PDZD2: variants seen among roughly 807,000 people sequenced by gnomAD.
PDZD2 encodes PDZ domain containing 2, also known as PDZ domain-containing protein 2.
In PDZD2, 90 loss-of-function variants were observed where a neutral mutation model predicts 220.7. The ratio of observed to expected loss-of-function variants is 0.41; its 90% CI spans 0.34 to 0.49. The LOEUF (loss-of-function observed/expected upper bound fraction) is 0.49, where lower values mean the gene tolerates loss of function less well. PDZD2 is among the 20% of genes least tolerant of loss of function. PDZD2 has a pLI of 0.28. For missense variants in PDZD2, 3,174 were observed against 3,608.5 expected, an observed-to-expected ratio of 0.88 and a Z score of 3.08; for synonymous variants, 1,375 against 1,450.5, an observed-to-expected ratio of 0.95 and a Z score of 1.18.
intron 2 of PDZD2, among the ~76,000 whole-genome samples, chr5:31,960,041 G>T (rs1748069471): frequency 6.6e-6 from 1 of 152,114 alleles, no homozygotes; most frequent in Admixed American, 6.6e-5. Context: ...AATCCAGGAT[G>T]ATCTCCTCTT....
intron 1 of PDZD2, among the ~76,000 whole-genome samples, chr5:31,778,410 A>G (rs969870486): frequency 2.6e-5 from 4 of 152,146 alleles, no homozygotes; most frequent in African/African-American, 9.7e-5. Flanking sequence ...CACTGCCTTT[A>G]TGAGCTGTAA....
rs760035636 is a variant in PDZD2, at chr5:31,983,498, A to C, written c.820A>C (p.Lys274Gln). The C allele has an allele frequency of 5.6e-6, 9 of 1,614,114 alleles. No individual in the cohort carries two copies. Among genetic ancestry groups the C allele is most frequent in the Non-Finnish European group, 7.6e-6 (9 of 1,179,954 alleles). Reference sequence around the variant, plus strand: ...GCTAGAAAATGGCCCAGATTCTCTCAAGGAGGTGGCTGGACCCCATCTAGA... The same window carrying C: ...GCTAGAAAATGGCCCAGATTCTCTCCAGGAGGTGGCTGGACCCCATCTAGA... ...FQLENGPDSL[K>Q]EVAGPHLERS... Residue 274 changes from lysine (K) to glutamine (Q), a missense_variant, in exon 3 of 25, where the codon AAG (lysine) becomes CAG (glutamine). Coordinates refer to ENST00000438447, the MANE Select transcript of PDZD2 (RefSeq NM_178140.4).
intron 1 of PDZD2, among the ~76,000 whole-genome samples, chr5:31,696,767 T>G (rs1747397068): frequency 6.6e-6 from 1 of 152,230 alleles, no homozygotes; most frequent in African/African-American, 2.4e-5. Context: ...CTTTCTCCTC[T>G]TTACAATTTC....
intron 2 of PDZD2, among the ~76,000 whole-genome samples, chr5:31,932,871 T>C (rs994915126): frequency 1.3e-5 from 2 of 151,844 alleles, no homozygotes; most frequent in Admixed American, 6.6e-5. Context: ...GGTTTGTCCT[T>C]TTATAACTGG....
chr5:31,840,621 T>G (rs1757246832), intron 2 of PDZD2: 2 of 717,314 alleles, frequency 2.8e-6, no homozygotes, highest in Non-Finnish European at 5.2e-6. Context: ...TCTGATAGGC[T>G]TCTTTCTTTT....
At chr5:31,956,242 T>G (rs989664668) in intron 2 of PDZD2, among the ~76,000 whole-genome samples, 5 of 152,194 alleles carry the variant, frequency 3.3e-5, no homozygotes, top group African/African-American at 4.8e-5. Flanking sequence ...TACTGCTGCT[T>G]ATTTCTTTCT....
intron 2 of PDZD2, among the ~76,000 whole-genome samples, chr5:31,830,731 C>T (rs1373800127): frequency 6.6e-6 from 1 of 152,152 alleles, no homozygotes; most frequent in African/African-American, 2.4e-5. Context: ...GAGATGTCTT[C>T]AGGATAAAGT....
intron 23 of PDZD2, chr5:32,100,369 TG>T (rs1744144905): frequency 5.4e-6 from 1 of 183,730 alleles, no homozygotes; most frequent in Non-Finnish European, 1.2e-5. Flanking sequence ...CGTCCTTGGC[TG>T]GTAGGCAGGC....
Position 32,108,741 on chromosome 5 carries a change from A to T in PDZD2, c.*606A>T, listed in dbSNP as rs1745056092. ...TTGTCCAAAAAGGAAAAAGCAAAAT[A>T]ATTAATTGAGAGTATTTTTTAGTGA... On this transcript the variant is annotated 3_prime_UTR_variant, in exon 25 of 25. Coordinates refer to ENST00000438447, the MANE Select transcript of PDZD2 (RefSeq NM_178140.4). 1 of 152,604 alleles carries T rather than the reference A, an allele frequency of 6.6e-6. No individual in the cohort carries two copies. Among genetic ancestry groups the T allele is most frequent in the South Asian group, 2.1e-4 (1 of 4,838 alleles). The allele number at this position is 152,604 out of a possible 1,614,324, so 9.5% of individuals were successfully genotyped here.
In PDZD2 at chr5:31,799,500, C is replaced by T. The variant is rs1208480201; in HGVS notation, c.252C>T (p.Gly84=). ...TKELGDTETV[G]LSFGNIPVFG... ...AGCTGGGGGACACAGAGACTGTGGG[C>T]CTGAGTTTTGGGAACATCCCTGTTT... The change falls in exon 2 of 25, where the codon GGC becomes GGT. Residue 84 remains glycine, a synonymous_variant. Transcript: ENST00000438447. The T allele has an allele frequency of 2.5e-6, 4 of 1,614,020 alleles. No individual in the cohort carries two copies. Among genetic ancestry groups the T allele is most frequent in the African/African-American group, 2.7e-5 (2 of 74,902 alleles).
At chr5:32,065,469 C>T (rs942207585) in intron 14 of PDZD2, among the ~76,000 whole-genome samples, 3 of 152,038 alleles carry the variant, frequency 2.0e-5, no homozygotes, top group South Asian at 4.1e-4. Context: ...CTTGTGGGTC[C>T]CTCTATGTGC....
intron 2 of PDZD2, among the ~76,000 whole-genome samples, chr5:31,829,024 A>C (rs748399957): frequency 2.0e-5 from 3 of 152,218 alleles, no homozygotes; most frequent in Non-Finnish European, 4.4e-5. Flanking sequence ...AGAAACCTTG[A>C]AAATGGAGCC....
At chr5:31,808,551 A>G (rs1417007614) in intron 2 of PDZD2, among the ~76,000 whole-genome samples, 1 of 151,822 alleles carries the variant, frequency 6.6e-6, no homozygotes, top group Non-Finnish European at 1.5e-5. Flanking sequence ...CTGTTTTCTC[A>G]CTCTACCAAG....
At chr5:31,960,700 C>T (rs948099877) in intron 2 of PDZD2, among the ~76,000 whole-genome samples, 3 of 152,068 alleles carry the variant, frequency 2.0e-5, no homozygotes, top group African/African-American at 7.2e-5. Flanking sequence ...ACCCCCAAAG[C>T]AAGCCAGTCC....
intron 17 of PDZD2, among the ~76,000 whole-genome samples, chr5:32,072,778 T>C (rs182058909): frequency 6.6e-6 from 1 of 152,318 alleles, no homozygotes; most frequent in East Asian, 1.9e-4. Context: ...GTAAATGGGC[T>C]GGATACACAT....
At chr5:31,805,579 A>G (rs548578846) in intron 2 of PDZD2, among the ~76,000 whole-genome samples, 1 of 152,286 alleles carries the variant, frequency 6.6e-6, no homozygotes, top group African/African-American at 2.4e-5. Context: ...AATGGTCCAC[A>G]CTAGCATATA....
intron 2 of PDZD2, among the ~76,000 whole-genome samples, chr5:31,906,962 C>CT (rs1742716922): frequency 6.6e-6 from 1 of 152,202 alleles, no homozygotes; most frequent in Admixed American, 6.5e-5. Context: ...TATGTCTAAA[C>CT]TTTGAAAGTT....
chr5:31,802,466 G>T (rs1754448136), intron 2 of PDZD2, among the ~76,000 whole-genome samples: 1 of 152,156 alleles, frequency 6.6e-6, no homozygotes, highest in South Asian at 2.1e-4. Context: ...GCTTGGATGG[G>T]TGTGACCTCT....
In PDZD2 at chr5:31,756,642, G is replaced by A. The variant is rs564466133; in HGVS notation, c.-360-42247G>A. Among the ~76,000 whole-genome samples, 16 of 152,340 alleles carry A rather than the reference G, an allele frequency of 1.1e-4. No homozygotes were observed. The South Asian group carries it at 3.3e-3, about 32-fold the overall frequency. ...GGGCACCCCACAGAGTGAACAGGGG[G>A]ATGAACATAGGAGCTGGGTAAAGGT... On this transcript the variant is annotated intron_variant, in intron 1 of 24. Transcript: ENST00000438447.
Sources: allele counts gnomAD v4.1 joint callset (sites outside exome capture counted in the v4.1 genomes callset), GRCh38; gene constraint gnomAD v4.1.1; transcripts MANE v1.5; gene names NCBI Gene and HGNC (gene_info 2026-07-23, HGNC 2026-07-21).